Variants in TNFRSF11B observed in about 807,000 individuals in gnomAD.
The protein encoded by TNFRSF11B is tumor necrosis factor receptor superfamily member 11B.
In TNFRSF11B, 16 loss-of-function variants were observed where a neutral mutation model predicts 43.4. The observed-to-expected ratio is 0.37, with a 90% confidence interval of 0.25 to 0.56. TNFRSF11B has a LOEUF of 0.56. TNFRSF11B is among the 20% of genes least tolerant of loss of function. TNFRSF11B has a pLI of 0.80. For missense variants in TNFRSF11B, 444 were observed against 490.1 expected, an observed-to-expected ratio of 0.91 and a Z score of 0.89; for synonymous variants, 185 against 181.8, an observed-to-expected ratio of 1.02 and a Z score of -0.14.
At chr8:118,941,566 T>C (rs1426070982) in intron 1 of TNFRSF11B, among the ~76,000 whole-genome samples, 2 of 152,196 alleles carry the variant, frequency 1.3e-5, no homozygotes, top group African/African-American at 2.4e-5. Flanking sequence ...AGAAGTTTCC[T>C]TTAGTTGTCT....
chr8:118,946,530 G>A (rs953629800), intron 1 of TNFRSF11B, among the ~76,000 whole-genome samples: 5 of 152,084 alleles, frequency 3.3e-5, no homozygotes, highest in East Asian at 3.9e-4. Flanking sequence ...GATAGTTTAC[G>A]GATGTTCCTA....
Position 118,926,543 on chromosome 8 carries a change from T to C in TNFRSF11B, c.768A>G (p.Leu256=), listed in dbSNP as rs2228568. Residue 256 remains leucine (L), a synonymous_variant, in exon 4 of 5, where the codon TTA becomes TTG. Coordinates refer to ENST00000297350, the MANE Select transcript of TNFRSF11B (RefSeq NM_002546.4). ...SQEQTFQLLK[L]WKHQNKDQDI... ...CTTGGTCTTTGTTTTGATGTTTCCA[T>C]AACTTCAGCAGCTGGAAAGTCTGTT... is the stretch of plus-strand genomic sequence containing the variant. The C allele has an allele frequency of 0.12, 194,094 of 1,613,968 alleles. 12,715 individuals carry two copies. The highest frequency in any genetic ancestry group is 0.14 in the South Asian group (12,506 of 91,078).
intron 1 of TNFRSF11B, among the ~76,000 whole-genome samples, chr8:118,947,360 C>T (rs969041081): frequency 6.6e-6 from 1 of 152,106 alleles, no homozygotes; most frequent in African/African-American, 2.4e-5. Context: ...AGGAAACACA[C>T]CTTATTGTCA....
chr8:118,929,888 G>T (rs1812302599), intron 2 of TNFRSF11B, among the ~76,000 whole-genome samples: 2 of 152,138 alleles, frequency 1.3e-5, no homozygotes, highest in South Asian at 4.1e-4. Context: ...AAATATGAAA[G>T]AGAAAAATCA....
At position 118,924,088 on chromosome 8, in the gene TNFRSF11B, C is replaced by A; in HGVS notation, c.*286G>T. On this transcript the variant is annotated 3_prime_UTR_variant, in exon 5 of 5. Coordinates refer to ENST00000297350, the MANE Select transcript of TNFRSF11B (RefSeq NM_002546.4). ...CATATTTAGTAAGGCACAATGGAGT[C>A]TAGTTTTTTTTTTTTAATTTCCAGT... 3.2e-6 allele frequency: 1 copy of A among 314,582 alleles called. No individual in the cohort carries two copies. The highest frequency in any genetic ancestry group is 6.3e-5 in the East Asian group (1 of 15,884). 19.5% of individuals were successfully genotyped at this position (314,582 alleles called of 1,614,324 possible).
intron 1 of TNFRSF11B, among the ~76,000 whole-genome samples, chr8:118,940,986 A>G (rs1355191866): frequency 6.6e-6 from 1 of 152,212 alleles, no homozygotes; most frequent in African/African-American, 2.4e-5. Context: ...TTGATTATCT[A>G]CTGTGTATCA....
chr8:118,950,760 C>A (rs943997002), intron 1 of TNFRSF11B, among the ~76,000 whole-genome samples: 49 of 152,082 alleles, frequency 3.2e-4, no homozygotes, highest in African/African-American at 1.2e-3. Context: ...CTTACCTGTT[C>A]TTTAGTGTCT....
At position 118,924,667 on chromosome 8, in the gene TNFRSF11B, T is replaced by C; in HGVS notation, c.913A>G (p.Lys305Glu). The C allele has an allele frequency of 6.2e-7, 1 of 1,614,222 alleles. No individual in the cohort carries two copies. The highest frequency in any genetic ancestry group is 2.2e-5 in the East Asian group (1 of 44,884). The part of the protein sequence containing the change: ...LRSLMESLPG[K>E]KVGAEDIEKT... ...TCAATGTCTTCTGCTCCCACTTTCT[T>C]TCCCGGTAAGCTTTCCATCAAGCTA... Residue 305 changes from lysine to glutamate, a missense_variant, in exon 5 of 5, where the codon AAG (lysine) becomes GAG (glutamate). By Grantham distance (56) the Lys-to-Glu change is moderately conservative. Transcript: ENST00000297350.
chr8:118,933,449 C>T, intron 1 of TNFRSF11B, 149 bp from the exon 2 acceptor site: 1 of 1,111,698 alleles, frequency 9.0e-7, no homozygotes, highest in Non-Finnish European at 1.3e-6. Flanking sequence ...ATAATTTTTG[C>T]CTCCGGGAGC....
Position 118,951,778 on chromosome 8 carries a change from G to A in TNFRSF11B, c.30+14C>T. The A allele has an allele frequency of 6.3e-7, 1 of 1,587,066 alleles. No individual in the cohort carries two copies. Among genetic ancestry groups the A allele is most frequent in the Admixed American group, 1.8e-5 (1 of 56,790 alleles). On this transcript the variant is annotated intron_variant, in intron 1 of 4. Coordinates refer to ENST00000297350, the MANE Select transcript of TNFRSF11B (RefSeq NM_002546.4). ...CCAGGCGCCGGGCACCCGTCGGCTG[G>A]CCCAGGGACTTACCACGAGCGCGCA...
chr8:118,942,397 C>G (rs1357897843), intron 1 of TNFRSF11B, among the ~76,000 whole-genome samples: 3 of 151,866 alleles, frequency 2.0e-5, no homozygotes, highest in Non-Finnish European at 4.4e-5. Context: ...GAAGCCCAAT[C>G]AATATATGAC....
chr8:118,926,408 T>C lies in TNFRSF11B; in HGVS notation c.817+86A>G. ...AACAGGGAAACAAGATCCACACAAC[T>C]AAACATACATGCAGTCTTGTTCCTG... On this transcript the variant is annotated intron_variant, in intron 4 of 4. Transcript: ENST00000297350. 2 of 1,243,962 alleles carry C rather than the reference T, an allele frequency of 1.6e-6. 1 individual carries two copies. The highest frequency in any genetic ancestry group is 2.4e-5 in the South Asian group (2 of 81,660). The allele number at this position is 1,243,962 out of a possible 1,614,324, so 77.1% of individuals were successfully genotyped here. A position where few individuals can be genotyped will look rare whatever the true frequency, so the allele number is the denominator to read the frequency against.
At chr8:118,927,845 C>T (rs895767334) in intron 3 of TNFRSF11B, among the ~76,000 whole-genome samples, 23 of 152,110 alleles carry the variant, frequency 1.5e-4, no homozygotes, top group African/African-American at 5.6e-4. Context: ...AACACACACA[C>T]TAGCCTGATG....
At chr8:118,947,113 A>G (rs1306804710) in intron 1 of TNFRSF11B, among the ~76,000 whole-genome samples, 1 of 152,186 alleles carries the variant, frequency 6.6e-6, no homozygotes, top group Non-Finnish European at 1.5e-5. Flanking sequence ...GAACCTTTAT[A>G]GTAGGAATAT....
intron 1 of TNFRSF11B, among the ~76,000 whole-genome samples, chr8:118,951,217 A>G (rs1263702196): frequency 6.6e-6 from 1 of 152,246 alleles, no homozygotes; most frequent in Non-Finnish European, 1.5e-5. Context: ...AATAATTTTA[A>G]CAATAAAATT....
At chr8:118,937,867 C>T (rs1327537426) in intron 1 of TNFRSF11B, among the ~76,000 whole-genome samples, 3 of 152,170 alleles carry the variant, frequency 2.0e-5, no homozygotes, top group African/African-American at 4.8e-5. Flanking sequence ...CAGCATGAGA[C>T]TTAGCAAACA....
chr8:118,931,759 G>A (rs192321662), intron 2 of TNFRSF11B, among the ~76,000 whole-genome samples: 1 of 152,310 alleles, frequency 6.6e-6, no homozygotes, highest in East Asian at 1.9e-4. Flanking sequence ...TCATTTGTAT[G>A]CCTTTAAACC....
At chr8:118,945,363 T>C (rs1812542165) in intron 1 of TNFRSF11B, among the ~76,000 whole-genome samples, 1 of 152,118 alleles carries the variant, frequency 6.6e-6, no homozygotes, top group Non-Finnish European at 1.5e-5. Context: ...ATTTTAGAGA[T>C]GCTGGAAGTA....
At chr8:118,932,124 C>T (rs549557398) in intron 2 of TNFRSF11B, among the ~76,000 whole-genome samples, 145 of 152,312 alleles carry the variant, frequency 9.5e-4, no homozygotes, top group Admixed American at 2.9e-3. Flanking sequence ...ATTACTTCTT[C>T]CATCTAAGTA....
Sources: allele counts gnomAD v4.1 joint callset (sites outside exome capture counted in the v4.1 genomes callset), GRCh38; gene constraint gnomAD v4.1.1; transcripts MANE v1.5; gene names NCBI Gene and HGNC (gene_info 2026-07-23, HGNC 2026-07-21).